The following CFAP299 variants were observed in gnomAD, a reference collection of about 807,000 sequenced individuals.
The protein encoded by CFAP299 is cilia- and flagella-associated protein 299.
A neutral mutation model predicts 27.0 loss-of-function variants in CFAP299; 21 were observed. That is an observed-to-expected ratio of 0.78 (90% CI 0.55 to 1.12). The LOEUF (loss-of-function observed/expected upper bound fraction) is 1.12, where lower values mean the gene tolerates loss of function less well. Among genes scored for constraint, CFAP299 ranks in the 50% most tolerant of loss-of-function variants. CFAP299 has a pLI of 0.00. For missense variants in CFAP299, 310 were observed against 276.6 expected (o/e 1.12, Z -0.86); for synonymous variants, 104 against 98.1 (o/e 1.06, Z -0.36).
chr4:80,404,014 C>T (rs1016238885), intron 2 of CFAP299, among the ~76,000 whole-genome samples: 15 of 152,044 alleles, frequency 9.9e-5, no homozygotes, highest in South Asian at 2.1e-4. Flanking sequence ...GTATGATACC[C>T]GTGGCCTAGC....
At chr4:80,567,769 T>A (rs1172236453) in intron 2 of CFAP299, among the ~76,000 whole-genome samples, 2 of 150,030 alleles carry the variant, frequency 1.3e-5, no homozygotes, top group Non-Finnish European at 3.0e-5. Context: ...AAGATTTTGT[T>A]GTTTAAATAC....
intron 3 of CFAP299, among the ~76,000 whole-genome samples, chr4:80,752,102 T>C (rs1724965148): frequency 6.6e-6 from 1 of 151,998 alleles, no homozygotes; most frequent in African/African-American, 2.4e-5. Flanking sequence ...GAGAGAAGCA[T>C]GGTTTCAATC....
intron 2 of CFAP299, among the ~76,000 whole-genome samples, chr4:80,477,742 A>G (rs1023462844): frequency 6.6e-6 from 1 of 152,102 alleles, no homozygotes; most frequent in Non-Finnish European, 1.5e-5. Flanking sequence ...CATAGTCTCT[A>G]TTCTCCCATT....
In CFAP299 at chr4:80,910,225, G is replaced by A. The variant is rs368254998; in HGVS notation, c.477-34585G>A. ...AGAGAAAAGGGAACATTTATACACT[G>A]TTGGCAGGAGTTTAAATTAGTTCAA... On this transcript the variant is annotated intron_variant, in intron 4 of 5. Transcript: ENST00000358105. Among the ~76,000 whole-genome samples, 22 of 152,258 alleles carry A rather than the reference G, an allele frequency of 1.4e-4. 1 individual carries two copies. In the South Asian group the frequency reaches 1.4e-3, roughly 10 times the overall value.
intron 3 of CFAP299, among the ~76,000 whole-genome samples, chr4:80,673,928 G>A (rs1333676685): frequency 1.3e-5 from 2 of 151,588 alleles, no homozygotes. Flanking sequence ...TTGCACATGG[G>A]ATGGGTCTCC....
chr4:80,833,963 G>T (rs1225419695), intron 3 of CFAP299, among the ~76,000 whole-genome samples: 2 of 152,222 alleles, frequency 1.3e-5, no homozygotes, highest in African/African-American at 4.8e-5. Flanking sequence ...TATGACAGTA[G>T]ATGGAAGCGT....
chr4:80,903,554 C>T (rs1347803462), intron 4 of CFAP299, among the ~76,000 whole-genome samples: 2 of 151,886 alleles, frequency 1.3e-5, no homozygotes, highest in Admixed American at 6.6e-5. Context: ...TAAGATATTA[C>T]TATTATTATT....
chr4:80,664,189 G>C (rs1281879085), intron 3 of CFAP299, among the ~76,000 whole-genome samples: 2 of 152,066 alleles, frequency 1.3e-5, no homozygotes, highest in East Asian at 3.9e-4. Flanking sequence ...CTGGGCGGCT[G>C]TTTGGGCAGA....
chr4:80,923,546 C>G (rs565862134), intron 4 of CFAP299, among the ~76,000 whole-genome samples: 1 of 152,164 alleles, frequency 6.6e-6, no homozygotes, highest in East Asian at 1.9e-4. Flanking sequence ...TGCTGTCCTA[C>G]TGTATATCCA....
upstream of CFAP299, among the ~76,000 whole-genome samples, chr4:80,332,370 T>C (rs1721973168): frequency 6.6e-6 from 1 of 151,700 alleles, no homozygotes; most frequent in South Asian, 2.1e-4. Context: ...ATTTTTAAAA[T>C]GGGAAAGGAG....
upstream of CFAP299, among the ~76,000 whole-genome samples, chr4:80,332,162 T>C (rs1029662067): frequency 1.3e-5 from 2 of 152,230 alleles, no homozygotes; most frequent in Admixed American, 6.5e-5. Context: ...ATGGCAAAGA[T>C]GTCATAATTG....
At chr4:80,373,095 G>A (rs1368880054) in intron 2 of CFAP299, among the ~76,000 whole-genome samples, 5 of 152,102 alleles carry the variant, frequency 3.3e-5, no homozygotes, top group Non-Finnish European at 7.4e-5. Flanking sequence ...AGACATTTCA[G>A]TCAATGATCC....
At position 80,706,277 on chromosome 4, in the gene CFAP299, G is replaced by A. The variant is rs566208375; in HGVS notation, c.333+123094G>A. 5.3e-5 allele frequency among the ~76,000 whole-genome samples: 8 copies of A among 151,168 alleles called. No homozygotes were observed. The East Asian group carries it at 7.8e-4, about 15-fold the overall frequency. ...TTTATGCAAACATACCCTAAACATC[G>A]AAAGTTTTAATTAAAACAAATGAGG... On this transcript the variant is annotated intron_variant, in intron 3 of 5. Coordinates refer to ENST00000358105, the MANE Select transcript of CFAP299 (RefSeq NM_152770.3).
At chr4:80,740,411 G>C (rs1030174776) in intron 3 of CFAP299, among the ~76,000 whole-genome samples, 1 of 152,190 alleles carries the variant, frequency 6.6e-6, no homozygotes, top group African/African-American at 2.4e-5. Context: ...AGATCTGGAA[G>C]AATTCTCTGG....
At chr4:80,801,291 A>T (rs1048587350) in intron 3 of CFAP299, among the ~76,000 whole-genome samples, 2 of 151,946 alleles carry the variant, frequency 1.3e-5, no homozygotes, top group Admixed American at 6.6e-5. Context: ...TCTACCTGCA[A>T]GGGGTTATCC....
At chr4:80,800,746 AGTGTGTGT>A (rs57119258) in intron 3 of CFAP299, among the ~76,000 whole-genome samples, 13 of 116,198 alleles carry the variant, frequency 1.1e-4, no homozygotes, top group African/African-American at 3.2e-4. Context: ...ATATATAATC[AGTGTGTGT>A]GTGTGTGTGT....
chr4:80,960,571 T>C (rs1040172715), intron 5 of CFAP299, among the ~76,000 whole-genome samples: 2 of 151,796 alleles, frequency 1.3e-5, no homozygotes, highest in African/African-American at 2.4e-5. Flanking sequence ...ACCACTACTC[T>C]ATATATCCCC....
chr4:80,365,144 T>C (rs763394780), intron 2 of CFAP299, among the ~76,000 whole-genome samples: 6 of 152,220 alleles, frequency 3.9e-5, no homozygotes, highest in Non-Finnish European at 5.9e-5. Context: ...CTGGGTCAAA[T>C]GCTATTTCTG....
At chr4:80,828,301 G>T (rs982808102) in intron 3 of CFAP299, among the ~76,000 whole-genome samples, 8 of 151,944 alleles carry the variant, frequency 5.3e-5, no homozygotes, top group African/African-American at 1.9e-4. Flanking sequence ...TTACTAAAAA[G>T]CTATGGAAAT....
Sources: allele counts gnomAD v4.1 joint callset (sites outside exome capture counted in the v4.1 genomes callset), GRCh38; gene constraint gnomAD v4.1.1; transcripts MANE v1.5; gene names NCBI Gene and HGNC (gene_info 2026-07-23, HGNC 2026-07-21).